Variants in SLIT1 observed in about 807,000 individuals in gnomAD.
SLIT1 encodes the protein slit guidance ligand 1.
SLIT1 carries 66 observed loss-of-function variants against 186.1 expected under a neutral mutation model. The ratio of observed to expected loss-of-function variants is 0.35; its 90% CI spans 0.29 to 0.44. The LOEUF is 0.44. SLIT1 is among the 20% of genes least tolerant of loss of function. The probability of loss-of-function intolerance (pLI) is 1.00; values close to 1 mark genes in which losing one functional copy is unlikely to be tolerated. For synonymous variants in SLIT1, 761 were observed against 833.8 expected (o/e 0.91, Z 1.50); for missense variants, 1,638 against 2,037.4 (o/e 0.80, Z 3.77).
chr10:97,157,091 T>C (rs557858909), intron 4 of SLIT1, among the ~76,000 whole-genome samples: 17 of 152,258 alleles, frequency 1.1e-4, no homozygotes, highest in African/African-American at 3.9e-4. Context: ...ATTTGTCCAG[T>C]GATAGAGTTG....
intron 4 of SLIT1, among the ~76,000 whole-genome samples, chr10:97,150,445 C>T (rs1344944610): frequency 1.3e-5 from 2 of 152,098 alleles, no homozygotes; most frequent in Non-Finnish European, 2.9e-5. Flanking sequence ...TCGATAGGGT[C>T]AGGCATTCTT....
chr10:97,060,290 T>C lies in SLIT1; in HGVS notation c.942-132A>G, dbSNP rs1848880331. 4 of 773,324 alleles carry C rather than the reference T, an allele frequency of 5.2e-6. No individual in the cohort carries two copies. The Admixed American group carries it at 6.3e-5, about 12-fold the overall frequency. The allele number at this position is 773,324 out of a possible 1,614,324, so 47.9% of individuals were successfully genotyped here. A position where few individuals can be genotyped will look rare whatever the true frequency, so the allele number is the denominator to read the frequency against. On this transcript the variant is annotated intron_variant, in intron 9 of 36. Transcript: ENST00000266058. ...CCTGCTCCCTTCCCACTTCCAGAAGTTGAAGTCTGGGGTAAGGACGCCGGG... is the reference window on the plus strand; with the variant it reads ...CCTGCTCCCTTCCCACTTCCAGAAGCTGAAGTCTGGGGTAAGGACGCCGGG...
intron 4 of SLIT1, among the ~76,000 whole-genome samples, chr10:97,095,351 T>C (rs957237642): frequency 2.0e-5 from 3 of 152,220 alleles, no homozygotes; most frequent in Non-Finnish European, 4.4e-5. Context: ...CAGAGTCCAG[T>C]TGCTGACCTC....
rs756488547 is a variant in SLIT1 at position 97,006,151 on chromosome 10, TAGAA to T, written c.3579+328_3579+331del. On this transcript the variant is annotated intron_variant, in intron 32 of 36. Transcript: ENST00000266058. The surrounding 1 kb of genome is among the most constrained non-coding windows in gnomAD (Gnocchi z 4.0). ...AATCTGGCCACATTCCAGGCACACA[TAGAA>T]AGCCTGTCTGCAGCACTGGAGGCAG... Among the ~76,000 whole-genome samples the T allele has an allele frequency of 2.0e-5, 3 of 152,072 alleles. No individual in the cohort carries two copies. Among genetic ancestry groups the T allele is most frequent in the Admixed American group, 1.3e-4 (2 of 15,266 alleles).
intron 4 of SLIT1, among the ~76,000 whole-genome samples, chr10:97,084,550 T>C (rs1030802522): frequency 6.6e-6 from 1 of 151,944 alleles, no homozygotes; most frequent in South Asian, 2.1e-4. Flanking sequence ...ATAGGAGCTC[T>C]TGCTATTTCT....
At chr10:97,041,472 A>AC (rs1848690026) in intron 20 of SLIT1, among the ~76,000 whole-genome samples, 1 of 144,858 alleles carries the variant, frequency 6.9e-6, no homozygotes. Flanking sequence ...GCAAATCGTT[A>AC]ATTTTTTTTT....
At chr10:97,029,984 A>T (rs922425240) in intron 25 of SLIT1, among the ~76,000 whole-genome samples, 5 of 152,136 alleles carry the variant, frequency 3.3e-5, no homozygotes, top group Non-Finnish European at 7.3e-5. Context: ...TATGGCCAAT[A>T]CCCCATTGTA....
intron 25 of SLIT1, among the ~76,000 whole-genome samples, chr10:97,028,114 T>C (rs1848562001): frequency 6.6e-6 from 1 of 151,806 alleles, no homozygotes; most frequent in African/African-American, 2.4e-5. Context: ...CTCTTCAGAG[T>C]TCCTAAAGAC....
At chr10:97,098,472 C>G (rs1347096530) in intron 4 of SLIT1, among the ~76,000 whole-genome samples, 2 of 152,170 alleles carry the variant, frequency 1.3e-5, no homozygotes, top group Non-Finnish European at 2.9e-5. Flanking sequence ...ACGGTGAGGA[C>G]TTGGCGAGGC....
At chr10:97,155,571 G>C (rs1332129462) in intron 4 of SLIT1, 2 of 152,306 alleles carry the variant, frequency 1.3e-5, no homozygotes, top group African/African-American at 4.8e-5. Context: ...AGATTTACAT[G>C]ATGGGTCTTG....
chr10:97,068,825 G>T lies in SLIT1; in HGVS notation c.414-2739C>A, dbSNP rs530331353. Reference sequence around the variant, plus strand: ...CATTCCCCAGATTCCGCCCATTTAGGCTACTCCCCAGAGGGCCCCCAGTGG... The same window carrying T: ...CATTCCCCAGATTCCGCCCATTTAGTCTACTCCCCAGAGGGCCCCCAGTGG... On this transcript the variant is annotated intron_variant, in intron 4 of 36. Transcript: ENST00000266058. The surrounding 1 kb of genome is among the most constrained non-coding windows in gnomAD (Gnocchi z 4.2). Among the ~76,000 whole-genome samples the T allele has an allele frequency of 6.6e-6, 1 of 152,232 alleles. No individual in the cohort carries two copies. The highest frequency in any genetic ancestry group is 2.1e-4 in the South Asian group (1 of 4,822).
Position 97,004,361 on chromosome 10 carries a change from G to T in SLIT1, c.3711-139C>A. The T allele has an allele frequency of 2.3e-6, 2 of 855,508 alleles. No homozygotes were observed. The highest frequency in any genetic ancestry group is 1.7e-5 in the South Asian group (1 of 57,868). The allele number at this position is 855,508 out of a possible 1,614,324, so 53.0% of individuals were successfully genotyped here. On this transcript the variant is annotated intron_variant, in intron 33 of 36. Coordinates refer to ENST00000266058, the MANE Select transcript of SLIT1 (RefSeq NM_003061.3). This position sits in a 1 kb window ranked among gnomAD's most constrained non-coding sequence, Gnocchi z 5.1. ...AGGAAAAGGACTGTGGGGGCTCAAG[G>T]GTCTATCGCATGATCCCTTTCACTC...
At chr10:97,079,746 G>A (rs1394540017) in intron 4 of SLIT1, among the ~76,000 whole-genome samples, 1 of 152,240 alleles carries the variant, frequency 6.6e-6, no homozygotes, top group Non-Finnish European at 1.5e-5. Context: ...GCACTGTGCA[G>A]ATGTGAGTAT....
At position 97,066,030 on chromosome 10, in the gene SLIT1, G is replaced by A. The variant is rs537899049; in HGVS notation, c.470C>T (p.Thr157Met). ...AIPRKAFRGATDLKNLQLDKN... is the reference protein window; with the variant it reads ...AIPRKAFRGAMDLKNLQLDKN... ...CTGTACTCACAAATTTTTAAGGTCC[G>A]TAGCTCCCCGAAAAGCTTTCCTGGG... is the stretch of plus-strand genomic sequence containing the variant. The change falls in exon 5 of 37, where the codon ACG becomes ATG. Residue 157 changes from threonine to methionine, a missense_variant. Thr to Met is a moderately conservative substitution (Grantham distance 81). Around this residue, in one of 3 missense-constraint regions of SLIT1, gnomAD observed 1,245 missense variants for 1,535.3 expected, o/e 0.81. Coordinates refer to ENST00000266058, the MANE Select transcript of SLIT1 (RefSeq NM_003061.3). 9.3e-6 allele frequency: 15 copies of A among 1,604,400 alleles called. No homozygotes were observed. The highest frequency in any genetic ancestry group is 3.3e-4 in the Middle Eastern group (2 of 6,050).
chr10:96,999,621 C>T lies in SLIT1; in HGVS notation c.*1491G>A, dbSNP rs1220871624. The T allele has an allele frequency of 1.3e-5, 2 of 152,260 alleles. No homozygotes were observed. Among genetic ancestry groups the T allele is most frequent in the African/African-American group, 4.8e-5 (2 of 41,448 alleles). 9.4% of individuals were successfully genotyped at this position (152,260 alleles called of 1,614,324 possible). A position where few individuals can be genotyped will look rare whatever the true frequency, so the allele number is the denominator to read the frequency against. ...GAGTGCAACTTTGCCTCCCTTTAGC[C>T]CATTCACAGTTTGGCCTCACAAACC... On this transcript the variant is annotated 3_prime_UTR_variant, in exon 37 of 37. Transcript: ENST00000266058.
chr10:97,018,785 G>C (rs1848477038), intron 27 of SLIT1, 102 bp from the exon 28 acceptor site: 1 of 723,836 alleles, frequency 1.4e-6, no homozygotes, highest in South Asian at 1.8e-5. Flanking sequence ...CCTGTCCCAG[G>C]AGTTACTTGT....
At chr10:97,039,686 G>T (rs1848673298) in intron 21 of SLIT1, among the ~76,000 whole-genome samples, 1 of 152,274 alleles carries the variant, frequency 6.6e-6, no homozygotes, top group Non-Finnish European at 1.5e-5. Flanking sequence ...ACAGGAGCCT[G>T]AGACAATGAC....
At chr10:97,104,512 G>A (rs4919070) in intron 4 of SLIT1, among the ~76,000 whole-genome samples, 19,348 of 151,820 alleles carry the variant, frequency 0.13, 1,267 homozygotes, top group Middle Eastern at 0.18. Flanking sequence ...GTTTCTATCC[G>A]GTCACTCCAC....
At chr10:97,137,583 T>C (rs566274692) in intron 4 of SLIT1, among the ~76,000 whole-genome samples, 1 of 152,162 alleles carries the variant, frequency 6.6e-6, no homozygotes, top group African/African-American at 2.4e-5. Context: ...TTTCTCTCCT[T>C]CTTTCCTTCT....
Sources: gnomAD v4.1 joint callset for allele counts (sites outside exome capture counted in the v4.1 genomes callset) on GRCh38, gnomAD v4.1.1 for gene constraint, gnomAD v4.1.1 regional missense constraint, Gnocchi (gnomAD v3.1) non-coding constraint, MANE v1.5 for transcripts, NCBI Gene and HGNC (gene_info 2026-07-23, HGNC 2026-07-21) for gene names.